The following TPR variants were observed in gnomAD, a reference collection of about 807,000 sequenced individuals.
TPR encodes the protein nucleoprotein TPR.
A neutral mutation model predicts 316.1 loss-of-function variants in TPR; 51 were observed. The observed-to-expected ratio is 0.16, with a 90% confidence interval of 0.13 to 0.20. The LOEUF is 0.20. Among genes scored for constraint, TPR ranks in the 10% least tolerant of loss-of-function variants. TPR has a pLI of 1.00. For missense variants in TPR, 2,272 were observed against 2,754.8 expected (o/e 0.82, Z 3.92); for synonymous variants, 981 against 914.7 (o/e 1.07, Z -1.31).
Position 186,312,012 on chromosome 1 carries a change from AT to A in TPR, c.*1958del, listed in dbSNP as rs1557969045. On this transcript the variant is annotated 3_prime_UTR_variant, in exon 51 of 51. Transcript: ENST00000367478. ...CAACAAGTATTTCAGTTTAATAATT[AT>A]TTTTATAATACCCTTGACTAATAGC... 9 of 607,590 alleles carry A rather than the reference AT, an allele frequency of 1.5e-5. No individual in the cohort carries two copies. Among genetic ancestry groups the A allele is most frequent in the Non-Finnish European group, 2.6e-5 (9 of 352,168 alleles). 37.6% of individuals were successfully genotyped at this position (607,590 alleles called of 1,614,324 possible).
At position 186,334,436 on chromosome 1, in the gene TPR, A is replaced by C. The variant is rs1488226303; in HGVS notation, c.5071T>G (p.Ser1691Ala). 1 of 1,613,648 alleles carries C rather than the reference A, an allele frequency of 6.2e-7. No homozygotes were observed. Among genetic ancestry groups the C allele is most frequent in the Admixed American group, 1.7e-5 (1 of 59,952 alleles). Residue 1691 changes from serine to alanine, a missense_variant, in exon 36 of 51, where the codon TCA (serine) becomes GCA (alanine). Transcript: ENST00000367478. ...VTAAAMAGNK[S>A]TPRASIRPMV... is the part of the protein sequence containing the mutation. ...GGGCGGATACTAGCCCTGGGTGTTGACTTATTTCCAGCCATAGCTGCAGCT... is the reference window on the plus strand; with the variant it reads ...GGGCGGATACTAGCCCTGGGTGTTGCCTTATTTCCAGCCATAGCTGCAGCT...
At chr1:186,330,360 C>T (rs927141528) in intron 39 of TPR, among the ~76,000 whole-genome samples, 3 of 152,080 alleles carry the variant, frequency 2.0e-5, no homozygotes, top group African/African-American at 7.2e-5. Context: ...CTGTAGAGAG[C>T]ACTGGCAAGG....
intron 4 of TPR, 47 bp downstream of exon 4, chr1:186,367,839 A>C: frequency 2.8e-6 from 4 of 1,408,102 alleles, no homozygotes; most frequent in Non-Finnish European, 4.0e-6. Context: ...CACTAACAGA[A>C]GAAAAATAAA....
intron 20 of TPR, 66 bp downstream of exon 20, chr1:186,351,264 T>C: frequency 6.8e-7 from 1 of 1,466,750 alleles, no homozygotes; most frequent in East Asian, 2.5e-5. Flanking sequence ...TGGCAGACTG[T>C]CCACACACCA....
In TPR at chr1:186,312,209, A is replaced by G; in HGVS notation, c.*1762T>C. 1 of 1,613,988 alleles carries G rather than the reference A, an allele frequency of 6.2e-7. No homozygotes were observed. The highest frequency in any genetic ancestry group is 8.5e-7 in the Non-Finnish European group (1 of 1,179,912). ...TTCAGCAGTATATTTATAAACAGGA[A>G]CCTGTACAGAAGTGCCCTGGAAGAA... On this transcript the variant is annotated 3_prime_UTR_variant, in exon 51 of 51. Transcript: ENST00000367478.
intron 22 of TPR, 125 bp downstream of exon 22, chr1:186,347,167 C>T: frequency 1.0e-6 from 1 of 1,003,330 alleles, no homozygotes; most frequent in South Asian, 1.8e-5. Flanking sequence ...AGTACTTTCA[C>T]AAGGTTAAAG....
intron 18 of TPR, 111 bp from the exon 19 acceptor site, chr1:186,352,221 A>G: frequency 2.0e-6 from 2 of 1,005,962 alleles, no homozygotes; most frequent in Non-Finnish European, 2.7e-6. Flanking sequence ...TAATGCTCTT[A>G]GGGACTATAT....
intron 38 of TPR, 96 bp downstream of exon 38, chr1:186,332,099 T>C (rs1658183931): frequency 1.1e-5 from 14 of 1,314,974 alleles, no homozygotes; most frequent in Non-Finnish European, 1.4e-5. Context: ...TAATATATTT[T>C]GGCCCCAAAA....
At chr1:186,325,989 C>A in intron 41 of TPR, 115 bp downstream of exon 41, 1 of 1,556,362 alleles carries the variant, frequency 6.4e-7, no homozygotes, top group Non-Finnish European at 8.7e-7. Flanking sequence ...AACAAATGAA[C>A]AAAACAACCA....
Position 186,312,985 on chromosome 1 carries a change from A to G in TPR, c.*986T>C. The G allele has an allele frequency of 7.4e-7, 1 of 1,354,196 alleles. No homozygotes were observed. The highest frequency in any genetic ancestry group is 1.1e-6 in the Non-Finnish European group (1 of 947,700). The allele number at this position is 1,354,196 out of a possible 1,614,324, so 83.9% of individuals were successfully genotyped here. On this transcript the variant is annotated 3_prime_UTR_variant, in exon 51 of 51. Coordinates refer to ENST00000367478, the MANE Select transcript of TPR (RefSeq NM_003292.3). ...AAAATGCTGGCTGCAATGATGACTG[A>G]ATGTGAGAAGTTACACTACGGTACT...
intron 42 of TPR, among the ~76,000 whole-genome samples, chr1:186,325,262 C>T (rs879452096): frequency 1.3e-5 from 2 of 152,136 alleles, no homozygotes; most frequent in Non-Finnish European, 2.9e-5. Flanking sequence ...TTTTCTACGA[C>T]TTCCATACTC....
At chr1:186,345,721 A>G (rs750261132) in intron 23 of TPR, 25 bp from the exon 24 acceptor site, 2 of 1,520,574 alleles carry the variant, frequency 1.3e-6, no homozygotes, top group Admixed American at 3.4e-5. Context: ...CAAGATTAAA[A>G]CCAAAATTAA....
chr1:186,338,465 A>G (rs1658406008), intron 30 of TPR, among the ~76,000 whole-genome samples: 1 of 152,216 alleles, frequency 6.6e-6, no homozygotes, highest in Non-Finnish European at 1.5e-5. Context: ...AGAAAAACAG[A>G]GCTACCAATG....
intron 43 of TPR, 36 bp from the exon 44 acceptor site, chr1:186,322,622 A>C: frequency 1.9e-6 from 3 of 1,604,356 alleles, no homozygotes; most frequent in Non-Finnish European, 2.6e-6. Context: ...ATTTGCTTTA[A>C]GAAATGAGGC....
At position 186,333,368 on chromosome 1, in the gene TPR, G is replaced by C; in HGVS notation, c.5209C>G (p.His1737Asp). 1 of 1,613,468 alleles carries C rather than the reference G, an allele frequency of 6.2e-7. No individual in the cohort carries two copies. Among genetic ancestry groups the C allele is most frequent in the Non-Finnish European group, 8.5e-7 (1 of 1,179,586 alleles). The change falls in exon 37 of 51, where the codon CAT becomes GAT. Residue 1737 changes from histidine to aspartate, a missense_variant. Transcript: ENST00000367478. ...CTTGTGCTTCCAAAAACTGGAACAT[G>C]TTCCACAGGCCCTTCTGACTGCATA... ...EAMQSEGPVE[H>D]VPVFGSTSGS...
In TPR at chr1:186,353,566, T is replaced by G. The variant is rs570096614; in HGVS notation, c.2334+122A>C. 1.8e-4 allele frequency: 191 copies of G among 1,053,682 alleles called. No individual in the cohort carries two copies. In the African/African-American group the frequency reaches 2.8e-3, roughly 16 times the overall value. 65.3% of individuals were successfully genotyped at this position (1,053,682 alleles called of 1,614,324 possible). ...ATTTGCAAACTATGTATTAATTACT[T>G]GGTGTAACCTCCAAACTTCTTAAAT... On this transcript the variant is annotated intron_variant, in intron 18 of 50. Coordinates refer to ENST00000367478, the MANE Select transcript of TPR (RefSeq NM_003292.3).
chr1:186,318,883 C>T, intron 46 of TPR, 55 bp from the exon 47 acceptor site: 2 of 1,539,076 alleles, frequency 1.3e-6, no homozygotes, highest in Non-Finnish European at 1.8e-6. Flanking sequence ...AAATTATCAA[C>T]AAGTCAGGGA....
rs148837907 is a variant in TPR, at chr1:186,323,354, C to T, written c.6297+332G>A. On this transcript the variant is annotated intron_variant, in intron 43 of 50. Coordinates refer to ENST00000367478, the MANE Select transcript of TPR (RefSeq NM_003292.3). ...CGTGCACTGTAGAGAAAGAAACCTT[C>T]AAATCAGATAATGGTGAGCTGCGAA... 1.6e-4 allele frequency among the ~76,000 whole-genome samples: 24 copies of T among 152,266 alleles called. No homozygotes were observed. The East Asian group carries it at 4.2e-3, about 27-fold the overall frequency.
intron 45 of TPR, 113 bp downstream of exon 45, chr1:186,322,205 C>T: frequency 4.1e-6 from 4 of 987,438 alleles, no homozygotes; most frequent in Non-Finnish European, 6.0e-6. Flanking sequence ...CTTATTAGTA[C>T]ATAGTAGAGA....
Sources: gnomAD v4.1 joint callset for allele counts (sites outside exome capture counted in the v4.1 genomes callset) on GRCh38, gnomAD v4.1.1 for gene constraint, MANE v1.5 for transcripts, NCBI Gene and HGNC (gene_info 2026-07-23, HGNC 2026-07-21) for gene names.